CCDC80: variants seen among roughly 807,000 people sequenced by gnomAD.
CCDC80 encodes the protein coiled-coil domain-containing protein 80.
A neutral mutation model predicts 78.7 loss-of-function variants in CCDC80; 49 were observed. That is an observed-to-expected ratio of 0.62 (90% CI 0.50 to 0.79). The LOEUF (loss-of-function observed/expected upper bound fraction) is 0.79. Ranked by LOEUF, CCDC80 falls within the 30% of genes least tolerant of loss-of-function variation. CCDC80 has a pLI of 0.00. For synonymous variants in CCDC80, 488 were observed against 447.0 expected (o/e 1.09, Z -1.16); for missense variants, 1,205 against 1,198.6 (o/e 1.01, Z -0.08).
In CCDC80 at chr3:112,602,242, T is replaced by A. The variant is rs1935386690; in HGVS notation, c.*3175A>T. The A allele has an allele frequency of 6.6e-6, 1 of 152,248 alleles. No individual in the cohort carries two copies. Among genetic ancestry groups the A allele is most frequent in the Non-Finnish European group, 1.5e-5 (1 of 68,044 alleles). 9.4% of individuals were successfully genotyped at this position (152,248 alleles called of 1,614,324 possible). A position where few individuals can be genotyped will look rare whatever the true frequency, so the allele number is the denominator to read the frequency against. ...GTAAACTTAATAAATGTGTGTATGT[T>A]CTGATTGCTCCAACAACCAACCTTT... On this transcript the variant is annotated 3_prime_UTR_variant, in exon 8 of 8. Coordinates refer to ENST00000206423, the MANE Select transcript of CCDC80 (RefSeq NM_199511.3).
intron 5 of CCDC80, 71 bp from the exon 6 acceptor site, chr3:112,610,152 A>G: frequency 7.4e-7 from 1 of 1,347,488 alleles, no homozygotes; most frequent in Non-Finnish European, 1.1e-6. Context: ...AGGAAACCAG[A>G]GTGACTTAGG....
chr3:112,612,477 G>A (rs550595414), intron 5 of CCDC80, among the ~76,000 whole-genome samples: 15 of 152,266 alleles, frequency 9.9e-5, no homozygotes, highest in African/African-American at 3.6e-4. Context: ...GCTTCCCACA[G>A]ACCTTCACAT....
rs3914199 is a variant in CCDC80 at position 112,629,325 on chromosome 3, G to A, written c.2035+788C>T. On this transcript the variant is annotated intron_variant, in intron 3 of 7. Coordinates refer to ENST00000206423, the MANE Select transcript of CCDC80 (RefSeq NM_199511.3). ...AACCATGAACAACAACAAAACAGTA[G>A]AAAGTGCATATAAGAAAAAAAGCTT... Among the ~76,000 whole-genome samples, 1,426 of 150,762 alleles carry A rather than the reference G, an allele frequency of 9.5e-3. 26 individuals carry two copies. The highest frequency in any genetic ancestry group is 0.033 in the African/African-American group (1,348 of 41,052).
intron 5 of CCDC80, among the ~76,000 whole-genome samples, chr3:112,616,035 C>T (rs913933897): frequency 3.2e-4 from 49 of 152,136 alleles, no homozygotes; most frequent in South Asian, 2.1e-4. Flanking sequence ...TTCTTTCTTG[C>T]GCGAGATCCA....
intron 3 of CCDC80, among the ~76,000 whole-genome samples, chr3:112,624,038 T>G (rs931940434): frequency 3.3e-5 from 5 of 152,140 alleles, no homozygotes; most frequent in Admixed American, 2.0e-4. Flanking sequence ...AACCCCAGCA[T>G]TCAGTAAAGA....
chr3:112,605,495 A>T lies in CCDC80; in HGVS notation c.2775T>A (p.Ser925Arg), dbSNP rs1233928138. Reference sequence around the variant, plus strand: ...AACCATCCTGGTATCCTTGGTGGTAACTATGGTAACCATAGCCTGCATACT... The same window carrying T: ...AACCATCCTGGTATCCTTGGTGGTATCTATGGTAACCATAGCCTGCATACT... ...EDEYAGYGYH[S>R]YHQGYQDGYQ... Residue 925 changes from serine (S) to arginine (R), a missense_variant, in exon 8 of 8, where the codon AGT (serine) becomes AGA (arginine). Ser to Arg is a moderately radical substitution (Grantham distance 110). Coordinates refer to ENST00000206423, the MANE Select transcript of CCDC80 (RefSeq NM_199511.3). 3 of 1,614,016 alleles carry T rather than the reference A, an allele frequency of 1.9e-6. No individual in the cohort carries two copies. The highest frequency in any genetic ancestry group is 2.5e-6 in the Non-Finnish European group (3 of 1,179,996).
At chr3:112,613,786 G>A (rs1032489367) in intron 5 of CCDC80, among the ~76,000 whole-genome samples, 7 of 151,732 alleles carry the variant, frequency 4.6e-5, no homozygotes, top group Non-Finnish European at 1.5e-5. Flanking sequence ...CACTAACCCT[G>A]GAAGATTTAG....
chr3:112,637,855 G>A (rs554914971), intron 2 of CCDC80, among the ~76,000 whole-genome samples, 173 bp downstream of exon 2: 49 of 152,200 alleles, frequency 3.2e-4, no homozygotes, highest in Non-Finnish European at 4.1e-4. Context: ...CACTAAACCA[G>A]AAGGAGCTAC....
intron 2 of CCDC80, among the ~76,000 whole-genome samples, chr3:112,631,908 C>T (rs1936107197): frequency 6.6e-6 from 1 of 152,076 alleles, no homozygotes; most frequent in Admixed American, 6.6e-5. Context: ...TTTTTCAGAT[C>T]ATAATTAATT....
At chr3:112,621,863 G>C (rs1935874763) in intron 3 of CCDC80, among the ~76,000 whole-genome samples, 1 of 152,160 alleles carries the variant, frequency 6.6e-6, no homozygotes, top group African/African-American at 2.4e-5. Context: ...TCTCAAAGTG[G>C]ACAGTTTGGA....
At chr3:112,626,621 C>T (rs779364662) in intron 3 of CCDC80, among the ~76,000 whole-genome samples, 3 of 152,082 alleles carry the variant, frequency 2.0e-5, no homozygotes, top group Non-Finnish European at 4.4e-5. Context: ...AATCTTGGCT[C>T]ACTGCAACCT....
In CCDC80 at chr3:112,601,218, GTCAT is replaced by G. The variant is rs1935367913; in HGVS notation, c.*4195_*4198del. 1 of 152,168 alleles carries G rather than the reference GTCAT, an allele frequency of 6.6e-6. No individual in the cohort carries two copies. The highest frequency in any genetic ancestry group is 2.4e-5 in the African/African-American group (1 of 41,440). 9.4% of individuals were successfully genotyped at this position (152,168 alleles called of 1,614,324 possible). A position where few individuals can be genotyped will look rare whatever the true frequency, so the allele number is the denominator to read the frequency against. On this transcript the variant is annotated 3_prime_UTR_variant, in exon 8 of 8. Coordinates refer to ENST00000206423, the MANE Select transcript of CCDC80 (RefSeq NM_199511.3). ...TTGAACTATAAATTCCATTTTTACT[GTCAT>G]TTATTTATAACAAAGTTCAGATATA...
intron 5 of CCDC80, among the ~76,000 whole-genome samples, chr3:112,615,143 C>T (rs1218929211): frequency 1.3e-5 from 2 of 152,162 alleles, no homozygotes; most frequent in Admixed American, 1.3e-4. Flanking sequence ...AAGTTACAGA[C>T]TCAAAACTTG....
chr3:112,605,213 A>G lies in CCDC80; in HGVS notation c.*204T>C. The stretch of plus-strand genomic sequence containing the variant: ...CACTAGAGCCCCTCCAGTTAGAAAA[A>G]CAATTCTTTTAAATGTCTTTATGAT... On this transcript the variant is annotated 3_prime_UTR_variant, in exon 8 of 8. Transcript: ENST00000206423. The G allele has an allele frequency of 2.2e-6, 1 of 461,436 alleles. No individual in the cohort carries two copies. Among genetic ancestry groups the G allele is most frequent in the Non-Finnish European group, 3.8e-6 (1 of 264,386 alleles). 28.6% of individuals were successfully genotyped at this position (461,436 alleles called of 1,614,324 possible).
intron 2 of CCDC80, among the ~76,000 whole-genome samples, chr3:112,632,972 T>C (rs7635685): frequency 0.081 from 12,396 of 152,158 alleles, 1,256 homozygotes; most frequent in African/African-American, 0.23. Context: ...AGAGAAAGAA[T>C]AATTGCAGTC....
rs745969231 is a variant in CCDC80, at chr3:112,605,658, T to C, written c.2612A>G (p.Lys871Arg). Residue 871 changes from lysine (K) to arginine (R), a missense_variant, in exon 8 of 8, where the codon AAA becomes AGA. By Grantham distance (26) the Lys-to-Arg change is conservative (BLOSUM62 2). Coordinates refer to ENST00000206423, the MANE Select transcript of CCDC80 (RefSeq NM_199511.3). ...ATACCAGGATTTGACATTTCCGTCT[T>C]TTCCGACTAGAAGCATGGAGAAGTA... ...PEYFSMLLVG[K>R]DGNVKSWYPS... 6.2e-7 allele frequency: 1 copy of C among 1,614,270 alleles called. No homozygotes were observed. Among genetic ancestry groups the C allele is most frequent in the South Asian group, 1.1e-5 (1 of 91,086 alleles).
intron 5 of CCDC80, 122 bp from the exon 6 acceptor site, chr3:112,610,203 A>C (rs979530508): frequency 1.3e-6 from 1 of 791,956 alleles, no homozygotes; most frequent in Non-Finnish European, 2.1e-6. Flanking sequence ...AAAAAGAAAA[A>C]AACAGAGAAC....
intron 3 of CCDC80, among the ~76,000 whole-genome samples, chr3:112,624,132 A>G (rs895103135): frequency 2.0e-5 from 3 of 152,182 alleles, no homozygotes; most frequent in Non-Finnish European, 4.4e-5. Context: ...TGATTCTGGG[A>G]CTGTGTAGAA....
chr3:112,639,547 T>A lies in CCDC80; in HGVS notation c.359A>T (p.Asp120Val). 6.2e-7 allele frequency: 1 copy of A among 1,614,152 alleles called. No individual in the cohort carries two copies. The highest frequency in any genetic ancestry group is 8.5e-7 in the Non-Finnish European group (1 of 1,180,014). ...TCTTGACCGAGCTGAGGACCCCTCATCTCTGATCATCTCACGCGGAGAGCC... is the reference window on the plus strand; with the variant it reads ...TCTTGACCGAGCTGAGGACCCCTCAACTCTGATCATCTCACGCGGAGAGCC... ...ARGSPREMIR[D>V]EGSSARSRML... Residue 120 changes from aspartate (D) to valine (V), a missense_variant, in exon 2 of 8, where the codon GAT (aspartate) becomes GTT (valine). Asp to Val is a radical substitution (Grantham distance 152). Coordinates refer to ENST00000206423, the MANE Select transcript of CCDC80 (RefSeq NM_199511.3).
Sources: gnomAD v4.1 joint callset for allele counts (sites outside exome capture counted in the v4.1 genomes callset) on GRCh38, gnomAD v4.1.1 for gene constraint, MANE v1.5 for transcripts, NCBI Gene and HGNC (gene_info 2026-07-23, HGNC 2026-07-21) for gene names.